MTHFD2L: variants seen among roughly 807,000 people sequenced by gnomAD.
MTHFD2L encodes the protein bifunctional methylenetetrahydrofolate dehydrogenase/cyclohydrolase 2, mitochondrial.
MTHFD2L carries 29 observed loss-of-function variants against 34.9 expected under a neutral mutation model. That is an observed-to-expected ratio of 0.83 (90% CI 0.62 to 1.13). MTHFD2L has a LOEUF of 1.13. Ranked by LOEUF, MTHFD2L falls within the 50% of genes most tolerant of loss-of-function variation. MTHFD2L has a pLI of 0.00. For synonymous variants in MTHFD2L, 167 were observed against 155.7 expected, an observed-to-expected ratio of 1.07 and a Z score of -0.54; for missense variants, 481 against 446.5, an observed-to-expected ratio of 1.08 and a Z score of -0.70.
Position 74,117,843 on chromosome 4 carries a change from C to T in MTHFD2L, c.-144+3186C>T, listed in dbSNP as rs115489553. Among the ~76,000 whole-genome samples, 262 of 152,324 alleles carry T rather than the reference C, an allele frequency of 1.7e-3. 2 individuals are homozygous for T. Among genetic ancestry groups the T allele is most frequent in the African/African-American group, 5.9e-3 (246 of 41,582 alleles). On this transcript the variant is annotated intron_variant and NMD_transcript_variant, in intron 2 of 9. Transcript: ENST00000429519. ...TCTATGCTCAACCCTAATTCTCAGT[C>T]TCTATATCAATTCCCACCAAACAGA...
chr4:74,301,888 C>A lies in MTHFD2L; in HGVS notation c.*79C>A. 1 of 722,100 alleles carries A rather than the reference C, an allele frequency of 1.4e-6. No homozygotes were observed. The highest frequency in any genetic ancestry group is 2.2e-6 in the Non-Finnish European group (1 of 461,344). 44.7% of individuals were successfully genotyped at this position (722,100 alleles called of 1,614,324 possible). A position where few individuals can be genotyped will look rare whatever the true frequency, so the allele number is the denominator to read the frequency against. On this transcript the variant is annotated 3_prime_UTR_variant, in exon 8 of 8. Transcript: ENST00000325278. ...AGGGTAAAACCTTTATATTTTACTA[C>A]AAAGCTATTTATTTCTACATGGTAT...
At chr4:74,198,835 T>C (rs976011119) in intron 3 of MTHFD2L, among the ~76,000 whole-genome samples, 1 of 151,240 alleles carries the variant, frequency 6.6e-6, no homozygotes, top group African/African-American at 2.4e-5. Flanking sequence ...TACTTTTATA[T>C]ATTTCAAGGA....
chr4:74,206,016 A>G (rs1388418093), intron 5 of MTHFD2L, among the ~76,000 whole-genome samples: 1 of 151,988 alleles, frequency 6.6e-6, no homozygotes, highest in Admixed American at 6.6e-5. Context: ...TACCATTGTG[A>G]CCACCTGTAG....
intron 3 of MTHFD2L, among the ~76,000 whole-genome samples, chr4:74,192,440 A>G (rs1440568179): frequency 6.6e-6 from 1 of 152,300 alleles, no homozygotes. Context: ...AGGTAAGAAC[A>G]CTTAATATAC....
At chr4:74,285,019 G>A (rs1029032140) in intron 7 of MTHFD2L, among the ~76,000 whole-genome samples, 5 of 152,026 alleles carry the variant, frequency 3.3e-5, no homozygotes, top group African/African-American at 1.2e-4. Context: ...CATAAAAAAG[G>A]ATGACTTCAT....
chr4:74,258,420 T>C (rs1359523553), intron 6 of MTHFD2L, among the ~76,000 whole-genome samples: 4 of 151,768 alleles, frequency 2.6e-5, no homozygotes, highest in Non-Finnish European at 5.9e-5. Context: ...AAACACACAG[T>C]TGATCCTTAA....
At chr4:74,236,713 A>G (rs1029802732) in intron 6 of MTHFD2L, among the ~76,000 whole-genome samples, 6 of 152,194 alleles carry the variant, frequency 3.9e-5, no homozygotes, top group Admixed American at 3.9e-4. Context: ...ACGCACATAT[A>G]TTTTTCCTAG....
chr4:74,219,454 G>C (rs950847619), intron 5 of MTHFD2L, among the ~76,000 whole-genome samples: 5 of 152,044 alleles, frequency 3.3e-5, no homozygotes, highest in African/African-American at 1.2e-4. Context: ...CGACTTGCTA[G>C]TACTAGCTGC....
chr4:74,200,033 C>T (rs1734152102), intron 4 of MTHFD2L, 87 bp downstream of exon 4: 6 of 1,194,012 alleles, frequency 5.0e-6, no homozygotes, highest in Non-Finnish European at 7.2e-6. Context: ...TACCTCAGTC[C>T]TATAGAGTGA....
intron 6 of MTHFD2L, among the ~76,000 whole-genome samples, chr4:74,269,260 TG>T (rs1298415903): frequency 6.6e-6 from 1 of 152,098 alleles, no homozygotes; most frequent in Admixed American, 6.6e-5. Context: ...TTAATTAGCT[TG>T]GGGGGAAAAA....
chr4:74,170,613 CTG>C (rs1727713964), intron 1 of MTHFD2L, among the ~76,000 whole-genome samples: 1 of 151,986 alleles, frequency 6.6e-6, no homozygotes, highest in East Asian at 1.9e-4. Context: ...AAATTAAGAA[CTG>C]TTCTAAAAAC....
Position 74,299,735 on chromosome 4 carries a change from T to C in MTHFD2L, c.932-1962T>C, listed in dbSNP as rs1010367024. Among the ~76,000 whole-genome samples the C allele has an allele frequency of 2.6e-5, 4 of 152,030 alleles. No homozygotes were observed. The South Asian group carries it at 8.3e-4, about 31-fold the overall frequency. ...AAATCTGCTTAGTGCCTAACCTGTG[T>C]ATGGAGATATTCTAAGATTAAAAAC... On this transcript the variant is annotated intron_variant, in intron 7 of 7. Coordinates refer to ENST00000325278, the MANE Select transcript of MTHFD2L (RefSeq NM_001144978.3).
chr4:74,204,446 A>C (rs1480006090), intron 5 of MTHFD2L, among the ~76,000 whole-genome samples: 1 of 152,146 alleles, frequency 6.6e-6, no homozygotes, highest in Admixed American at 6.5e-5. Context: ...TCTGAGATTA[A>C]TGATGTGATT....
At chr4:74,301,673 C>T in intron 7 of MTHFD2L, 24 bp from the exon 8 acceptor site, 1 of 1,344,858 alleles carries the variant, frequency 7.4e-7, no homozygotes, top group Non-Finnish European at 1.0e-6. Flanking sequence ...TAAAGAATAT[C>T]TGTTTGTTTT....
chr4:74,175,600 A>G (rs1390908957), intron 3 of MTHFD2L, among the ~76,000 whole-genome samples, 197 bp downstream of exon 3: 1 of 152,098 alleles, frequency 6.6e-6, no homozygotes, highest in East Asian at 1.9e-4. Context: ...AGTGAAATAT[A>G]AGCATTGGCA....
intron 1 of MTHFD2L, among the ~76,000 whole-genome samples, chr4:74,132,380 C>A (rs907420462): frequency 6.6e-6 from 1 of 152,112 alleles, no homozygotes; most frequent in African/African-American, 2.4e-5. Context: ...AAATGTGGCA[C>A]ATATACACCA....
At chr4:74,158,448 C>A in intron 1 of MTHFD2L, 167 bp downstream of exon 1, 1 of 352,234 alleles carries the variant, frequency 2.8e-6, no homozygotes, top group Non-Finnish European at 4.0e-6. Flanking sequence ...GTCGCGCGGG[C>A]GAGTCGCAGT....
At chr4:74,120,309 T>C (rs1284180722), upstream of MTHFD2L, among the ~76,000 whole-genome samples, 3 of 152,232 alleles carry the variant, frequency 2.0e-5, no homozygotes, top group Admixed American at 6.5e-5. Context: ...ATGATTCAGG[T>C]TGATGAGTCT....
chr4:74,166,498 G>A (rs927652830), intron 1 of MTHFD2L, among the ~76,000 whole-genome samples: 2 of 152,172 alleles, frequency 1.3e-5, no homozygotes, highest in Admixed American at 6.5e-5. Context: ...TAAGGTTTCT[G>A]TTTGTAAGCT....
Sources: allele counts gnomAD v4.1 joint callset (sites outside exome capture counted in the v4.1 genomes callset), GRCh38; gene constraint gnomAD v4.1.1; transcripts MANE v1.5; gene names NCBI Gene and HGNC (gene_info 2026-07-23, HGNC 2026-07-21).